The following FMN2 variants were observed in gnomAD, a reference collection of about 807,000 sequenced individuals.
The protein encoded by FMN2 is formin-2.
Under a neutral mutation model 142.3 loss-of-function variants are expected in FMN2, and 51 were observed. That is an observed-to-expected ratio of 0.36 (90% confidence interval 0.29 to 0.45). FMN2 has a LOEUF of 0.45. Ranked by LOEUF, FMN2 falls within the 20% of genes least tolerant of loss-of-function variation. The probability of loss-of-function intolerance (pLI) is 1.00; values close to 1 mark genes in which losing one functional copy is unlikely to be tolerated. For missense variants in FMN2, 1,936 were observed against 2,122.8 expected, an observed-to-expected ratio of 0.91 and a Z score of 1.73; for synonymous variants, 882 against 869.8, an observed-to-expected ratio of 1.01 and a Z score of -0.25.
intron 8 of FMN2, among the ~76,000 whole-genome samples, chr1:240,301,413 T>G (rs1349257631): frequency 6.6e-6 from 1 of 151,894 alleles, no homozygotes; most frequent in Non-Finnish European, 1.5e-5. Flanking sequence ...TAAATATAGT[T>G]TTTTTATATT....
intron 15 of FMN2, among the ~76,000 whole-genome samples, chr1:240,429,600 A>T (rs915222146): frequency 6.6e-6 from 1 of 152,182 alleles, no homozygotes; most frequent in African/African-American, 2.4e-5. Context: ...TGAAGAGGTG[A>T]TCATTGTTCT....
At chr1:240,221,849 CTT>C (rs34473197) in intron 6 of FMN2, among the ~76,000 whole-genome samples, 294 of 115,204 alleles carry the variant, frequency 2.6e-3, no homozygotes, top group East Asian at 4.2e-3. Context: ...CTTCTAGGGA[CTT>C]TTTTTTTTTT....
At chr1:240,436,097 A>G (rs1227424079) in intron 15 of FMN2, among the ~76,000 whole-genome samples, 2 of 152,316 alleles carry the variant, frequency 1.3e-5, no homozygotes, top group Non-Finnish European at 1.5e-5. Flanking sequence ...GTTCTCTGCC[A>G]TCTACTCTCC....
At chr1:240,390,180 A>G (rs999272918) in intron 14 of FMN2, among the ~76,000 whole-genome samples, 4 of 152,260 alleles carry the variant, frequency 2.6e-5, no homozygotes, top group Non-Finnish European at 5.9e-5. Context: ...CTCTCATTTG[A>G]CTGTTTATCA....
At chr1:240,394,748 A>C (rs965926356) in intron 15 of FMN2, among the ~76,000 whole-genome samples, 1 of 152,048 alleles carries the variant, frequency 6.6e-6, no homozygotes, top group Non-Finnish European at 1.5e-5. Context: ...CGGGTGAATC[A>C]CCTGAGGTCA....
chr1:240,275,078 A>G (rs1203171047), intron 7 of FMN2, among the ~76,000 whole-genome samples: 2 of 105,888 alleles, frequency 1.9e-5, no homozygotes, highest in African/African-American at 7.8e-5. Flanking sequence ...TCTTTTTTTT[A>G]AGTTTTTTTT....
At chr1:240,395,760 G>A (rs1047306244) in intron 15 of FMN2, among the ~76,000 whole-genome samples, 2 of 152,180 alleles carry the variant, frequency 1.3e-5, no homozygotes, top group Non-Finnish European at 2.9e-5. Flanking sequence ...AAAGAAAGTA[G>A]TTTCTTGAGG....
At chr1:240,141,492 C>G (rs886791769) in intron 2 of FMN2, among the ~76,000 whole-genome samples, 1 of 151,990 alleles carries the variant, frequency 6.6e-6, no homozygotes, top group Admixed American at 6.6e-5. Flanking sequence ...CTCAGCCTCC[C>G]GAGTAGCTGG....
In FMN2 at chr1:240,144,611, AACAC is replaced by A. The variant is rs1208855745; in HGVS notation, c.1782+21269_1782+21272del. The stretch of plus-strand genomic sequence containing the variant: ...TTTAGGAAAGCGGCTAAACTTTCAG[AACAC>A]ACCCAGGGCACAACGCAGTAGGACT... On this transcript the variant is annotated intron_variant, in intron 2 of 17. Coordinates refer to ENST00000319653, the MANE Select transcript of FMN2 (RefSeq NM_020066.5). The A allele has an allele frequency of 6.9e-6, 9 of 1,307,972 alleles. No homozygotes were observed. In the East Asian group the frequency reaches 1.8e-4, roughly 27 times the overall value. 81.0% of individuals were successfully genotyped at this position (1,307,972 alleles called of 1,614,324 possible).
intron 2 of FMN2, among the ~76,000 whole-genome samples, chr1:240,167,064 G>A (rs771663738): frequency 3.9e-5 from 6 of 152,214 alleles, no homozygotes; most frequent in Non-Finnish European, 7.3e-5. Context: ...AGAAGTTGCA[G>A]TGAGCCAAGA....
chr1:240,336,475 T>C (rs560062553), intron 13 of FMN2, among the ~76,000 whole-genome samples: 68 of 147,740 alleles, frequency 4.6e-4, no homozygotes, highest in African/African-American at 1.6e-3. Flanking sequence ...TGTTACAATT[T>C]GATAGAATTG....
chr1:240,403,898 T>C (rs923600721), intron 15 of FMN2, among the ~76,000 whole-genome samples: 3 of 152,116 alleles, frequency 2.0e-5, no homozygotes, highest in African/African-American at 7.2e-5. Flanking sequence ...AGCAAGGCAA[T>C]TGGAAACAAC....
At chr1:240,094,076 T>C (rs2103161639) in intron 1 of FMN2, among the ~76,000 whole-genome samples, 1 of 152,316 alleles carries the variant, frequency 6.6e-6, no homozygotes, top group Non-Finnish European at 1.5e-5. Context: ...ATTCTTCTCT[T>C]TCATTTTTCA....
chr1:240,150,844 G>T (rs1274318731), intron 2 of FMN2, among the ~76,000 whole-genome samples: 7 of 152,172 alleles, frequency 4.6e-5, no homozygotes, highest in Admixed American at 4.6e-4. Flanking sequence ...CTTAACTGCT[G>T]TGTCTATTAT....
chr1:240,456,478 C>T (rs538400695), intron 16 of FMN2, among the ~76,000 whole-genome samples: 8 of 152,170 alleles, frequency 5.3e-5, no homozygotes, highest in Admixed American at 5.2e-4. Context: ...TTATTTGAGA[C>T]GGAGTTTCGC....
chr1:240,467,550 G>A (rs1292041809), intron 16 of FMN2, among the ~76,000 whole-genome samples: 3 of 152,212 alleles, frequency 2.0e-5, no homozygotes, highest in East Asian at 3.9e-4. Context: ...ATAGGCGTGA[G>A]CCACCACACC....
At chr1:240,445,929 T>G (rs747958957) in intron 16 of FMN2, among the ~76,000 whole-genome samples, 21 of 152,182 alleles carry the variant, frequency 1.4e-4, no homozygotes, top group Non-Finnish European at 2.5e-4. Context: ...GAGGAAAATC[T>G]ACATAGATTT....
At chr1:240,155,997 A>G (rs771468981) in intron 2 of FMN2, among the ~76,000 whole-genome samples, 8 of 151,708 alleles carry the variant, frequency 5.3e-5, no homozygotes, top group Non-Finnish European at 8.8e-5. Context: ...CTAGCACTTT[A>G]GGAGCCTGAG....
At chr1:240,435,367 T>C (rs1160768366) in intron 15 of FMN2, among the ~76,000 whole-genome samples, 1 of 151,786 alleles carries the variant, frequency 6.6e-6, no homozygotes, top group African/African-American at 2.4e-5. Flanking sequence ...ATCAGAAGCT[T>C]TTGTGCCTAC....
Sources: allele counts gnomAD v4.1 joint callset (sites outside exome capture counted in the v4.1 genomes callset), GRCh38; gene constraint gnomAD v4.1.1; transcripts MANE v1.5; gene names NCBI Gene and HGNC (gene_info 2026-07-23, HGNC 2026-07-21).